The following HERC1 variants were observed in gnomAD, a reference collection of about 807,000 sequenced individuals.
HERC1 encodes the protein probable E3 ubiquitin-protein ligase HERC1.
A neutral mutation model predicts 554.3 loss-of-function variants in HERC1; 160 were observed. The ratio of observed to expected loss-of-function variants is 0.29; its 90% confidence interval spans 0.25 to 0.33. HERC1 has a LOEUF of 0.33. Ranked by LOEUF, HERC1 falls within the 10% of genes least tolerant of loss-of-function variation. HERC1 has a pLI of 1.00. For missense variants in HERC1, 4,919 were observed against 5,918.5 expected (o/e 0.83, Z 5.54); for synonymous variants, 2,175 against 2,131.7 (o/e 1.02, Z -0.56).
At chr15:63,820,999 C>T (rs2077670930) in intron 1 of HERC1, among the ~76,000 whole-genome samples, 1 of 152,210 alleles carries the variant, frequency 6.6e-6, no homozygotes, top group Non-Finnish European at 1.5e-5. Flanking sequence ...ACTTAGCACA[C>T]TCGATGAACA....
chr15:63,768,117 G>C (rs1414121412), intron 2 of HERC1, among the ~76,000 whole-genome samples: 2 of 152,158 alleles, frequency 1.3e-5, no homozygotes, highest in Non-Finnish European at 2.9e-5. Flanking sequence ...TCCAATCATA[G>C]CACATTGCTC....
rs1178691308 is a variant in HERC1 at position 63,755,251 on chromosome 15, A to G, written c.1608T>C (p.Gly536=). 6.2e-7 allele frequency: 1 copy of G among 1,612,726 alleles called. No individual in the cohort carries two copies. Among genetic ancestry groups the G allele is most frequent in the Non-Finnish European group, 8.5e-7 (1 of 1,178,906 alleles). Residue 536 remains glycine (G), a synonymous_variant, in exon 6 of 78, where the codon GGT becomes GGC. Coordinates refer to ENST00000443617, the MANE Select transcript of HERC1 (RefSeq NM_003922.4). ...VTEDGELYTW[G]EGDFGRLGHG... The stretch of plus-strand genomic sequence containing the variant: ...TACCTAATCTTCCAAAGTCTCCTTC[A>G]CCCCATGTGTATAATTCCCCATCCT...
intron 1 of HERC1, among the ~76,000 whole-genome samples, chr15:63,818,740 TAA>T (rs760693925): frequency 7.2e-5 from 11 of 152,206 alleles, no homozygotes; most frequent in Non-Finnish European, 1.3e-4. Context: ...TGGGACATAC[TAA>T]ACTTTTATCA....
chr15:63,743,211 TTTTTC>T (rs2074886943), intron 12 of HERC1, among the ~76,000 whole-genome samples: 1 of 151,718 alleles, frequency 6.6e-6, no homozygotes, highest in South Asian at 2.1e-4. Context: ...TTTTTTATTC[TTTTTC>T]TTTTGTCTCC....
In HERC1 at chr15:63,654,108, A is replaced by C. The variant is rs767422885; in HGVS notation, c.10290+11T>G. The C allele has an allele frequency of 2.5e-6, 4 of 1,602,666 alleles. No individual in the cohort carries two copies. In the South Asian group the frequency reaches 4.4e-5, roughly 18 times the overall value. On this transcript the variant is annotated intron_variant, in intron 51 of 77. Coordinates refer to ENST00000443617, the MANE Select transcript of HERC1 (RefSeq NM_003922.4). ...AACGTGATTAACACACTTTCCACTCAAAATACTTACTCTGTTCTGATGAGC... is the reference window on the plus strand; with the variant it reads ...AACGTGATTAACACACTTTCCACTCCAAATACTTACTCTGTTCTGATGAGC...
Position 63,659,767 on chromosome 15 carries a change from G to T in HERC1, c.9393C>A (p.Thr3131=). Residue 3131 remains threonine (T), a synonymous_variant, in exon 47 of 78, where the codon ACC becomes ACA. Coordinates refer to ENST00000443617, the MANE Select transcript of HERC1 (RefSeq NM_003922.4). ...GCATCAGAGTCTCTTCCATACTGTT[G>T]GTGGCTGTGACCATTGCTACTGATG... ...LGASVAMVTA[T]NSMEETLMQI... is the part of the protein sequence containing the mutation. The T allele has an allele frequency of 1.2e-6, 2 of 1,613,752 alleles. No homozygotes were observed. The highest frequency in any genetic ancestry group is 1.7e-6 in the Non-Finnish European group (2 of 1,179,714).
At chr15:63,703,072 T>C (rs2072812324) in intron 25 of HERC1, among the ~76,000 whole-genome samples, 1 of 143,516 alleles carries the variant, frequency 7.0e-6, no homozygotes, top group African/African-American at 2.6e-5. Context: ...ATCACGCCAC[T>C]GCACTCCAGC....
In HERC1 at chr15:63,652,474, C is replaced by T. The variant is rs1177456648; in HGVS notation, c.10358G>A (p.Arg3453His). 6.2e-6 allele frequency: 10 copies of T among 1,610,832 alleles called. No individual in the cohort carries two copies. The highest frequency in any genetic ancestry group is 1.3e-5 in the African/African-American group (1 of 74,892). The change falls in exon 52 of 78, where the codon CGC becomes CAC. Residue 3453 changes from arginine to histidine, a missense_variant. Around this residue, in one of 11 missense-constraint regions of HERC1, gnomAD observed 1,963 missense variants for 2,228.6 expected, o/e 0.88. Transcript: ENST00000443617. ...LATSGNDGTI[R>H]VWNVTKKQYS... is the part of the protein sequence containing the mutation. ...TTGCTTCTTGGTAACATTCCATACG[C>T]GGATGGTGCCATCATTGCCACTTGT...
rs1567114453 is a variant in HERC1 at position 63,775,575 on chromosome 15, T to G, written c.49A>C (p.Asn17His). The G allele has an allele frequency of 1.2e-6, 2 of 1,611,128 alleles. No homozygotes were observed. The highest frequency in any genetic ancestry group is 1.7e-4 in the Middle Eastern group (1 of 6,040). Residue 17 changes from asparagine to histidine, a missense_variant, in exon 2 of 78, where the codon AAC becomes CAC. Asn to His is a moderately conservative substitution (Grantham distance 68). Coordinates refer to ENST00000443617, the MANE Select transcript of HERC1 (RefSeq NM_003922.4). The surrounding 1 kb of genome is among the most constrained non-coding windows in gnomAD (Gnocchi z 4.0). ...PVKLKWLEHL[N>H]SSWITEDSES... ...CTGTCCTCTGTAATCCAGGAGCTGT[T>G]CAAGTGTTCAAGCCATTTCAGCTTC... is the stretch of plus-strand genomic sequence containing the variant.
chr15:63,624,494 C>A (rs1000609567), intron 71 of HERC1, among the ~76,000 whole-genome samples, 167 bp from the exon 72 acceptor site: 2 of 152,116 alleles, frequency 1.3e-5, no homozygotes, highest in African/African-American at 4.8e-5. Flanking sequence ...CCCAGGAGTT[C>A]AAGACTAGCC....
At chr15:63,833,374 G>A (rs946178970) in intron 1 of HERC1, among the ~76,000 whole-genome samples, 1 of 152,096 alleles carries the variant, frequency 6.6e-6, no homozygotes, top group African/African-American at 2.4e-5. Context: ...CCGGGGTCGC[G>A]GCACTCCCCG....
chr15:63,789,094 T>G (rs371365901), intron 1 of HERC1, among the ~76,000 whole-genome samples: 30,488 of 113,772 alleles, frequency 0.27, 4,054 homozygotes, highest in Middle Eastern at 0.35. Flanking sequence ...TTTTTTTTTT[T>G]TTTTTTTTTT....
chr15:63,687,130 T>A (rs565253221), intron 33 of HERC1, among the ~76,000 whole-genome samples: 1 of 152,208 alleles, frequency 6.6e-6, no homozygotes, highest in Non-Finnish European at 1.5e-5. Context: ...CACAGAATGA[T>A]GTATATAGGA....
rs369971353 is a variant in HERC1 at position 63,775,363 on chromosome 15, T to C, written c.261A>G (p.Leu87=). ...HYLDALLSSQ[L]ALAKMVCSDS... ...CTGAACATACCATCTTTGCCAATGC[T>C]AGCTGGCTGCTAAGAAGGGCATCCA... The change falls in exon 2 of 78, where the codon CTA becomes CTG. Residue 87 remains leucine (L), a synonymous_variant. Coordinates refer to ENST00000443617, the MANE Select transcript of HERC1 (RefSeq NM_003922.4). This position sits in a 1 kb window ranked among gnomAD's most constrained non-coding sequence, Gnocchi z 4.0. 106 of 1,613,834 alleles carry C rather than the reference T, an allele frequency of 6.6e-5. No individual in the cohort carries two copies. In the African/African-American group the frequency reaches 1.2e-3, roughly 18 times the overall value.
chr15:63,707,755 C>G (rs1488333471), intron 24 of HERC1, among the ~76,000 whole-genome samples: 1 of 151,680 alleles, frequency 6.6e-6, no homozygotes, highest in Non-Finnish European at 1.5e-5. Context: ...AAGGTGAAAC[C>G]CCATCTCCAC....
At chr15:63,669,410 G>C in intron 40 of HERC1, 128 bp downstream of exon 40, 1 of 832,348 alleles carries the variant, frequency 1.2e-6, no homozygotes, top group Non-Finnish European at 2.0e-6. Flanking sequence ...CAGTTTAATG[G>C]GGCAGTTCCC....
intron 26 of HERC1, 48 bp downstream of exon 26, chr15:63,698,680 G>T: frequency 6.4e-7 from 1 of 1,554,682 alleles, no homozygotes; most frequent in Non-Finnish European, 8.7e-7. Context: ...CAATGGTTCA[G>T]TTTTAAGTTT....
Position 63,633,988 on chromosome 15 carries a change from T to C in HERC1, c.12571-18A>G. On this transcript the variant is annotated intron_variant, in intron 66 of 77. Coordinates refer to ENST00000443617, the MANE Select transcript of HERC1 (RefSeq NM_003922.4). ...CAGGCCACCTAAAGAAATAACAGCA[T>C]TCCGTAAGGCAAATCACAAGACCTA... is the stretch of plus-strand genomic sequence containing the variant. 1 of 1,613,646 alleles carries C rather than the reference T, an allele frequency of 6.2e-7. No individual in the cohort carries two copies. Among genetic ancestry groups the C allele is most frequent in the Non-Finnish European group, 8.5e-7 (1 of 1,179,674 alleles).
chr15:63,700,142 T>C (rs1465925910), intron 25 of HERC1, among the ~76,000 whole-genome samples: 1 of 152,174 alleles, frequency 6.6e-6, no homozygotes, highest in African/African-American at 2.4e-5. Context: ...CTAAGATGAA[T>C]AATGGTTTTA....
Sources: allele counts gnomAD v4.1 joint callset (sites outside exome capture counted in the v4.1 genomes callset), GRCh38; gene constraint gnomAD v4.1.1; regional missense constraint gnomAD v4.1.1; non-coding constraint Gnocchi (gnomAD v3.1); transcripts MANE v1.5; gene names NCBI Gene and HGNC (gene_info 2026-07-23, HGNC 2026-07-21).